GABRB3: variants seen among roughly 807,000 people sequenced by gnomAD.
The protein encoded by GABRB3 is gamma-aminobutyric acid type A receptor subunit beta3.
GABRB3 carries 14 observed loss-of-function variants against 52.1 expected under a neutral mutation model. The ratio of observed to expected loss-of-function variants is 0.27; its 90% CI spans 0.18 to 0.42. GABRB3 has a LOEUF of 0.42. Among genes scored for constraint, GABRB3 ranks in the 10% least tolerant of loss-of-function variants. The pLI is 1.00. For missense variants in GABRB3, 307 were observed against 609.1 expected (o/e 0.50, Z 5.22); for synonymous variants, 260 against 232.3 (o/e 1.12, Z -1.08).
intron 7 of GABRB3, among the ~76,000 whole-genome samples, chr15:26,566,453 T>C (rs1890177062): frequency 6.6e-6 from 1 of 152,110 alleles, no homozygotes; most frequent in Admixed American, 6.5e-5. Context: ...GGGCTGGGTG[T>C]GGTGGCTCAC....
Position 26,554,144 on chromosome 15 carries a change from G to GTATATATATATATATAAAGTA in GABRB3, c.1081-6011_1081-6010insTACTTTATATATATATATATA, listed in dbSNP as rs547570760. 3.7e-3 allele frequency among the ~76,000 whole-genome samples: 118 copies of GTATATATATATATATAAAGTA among 32,286 alleles called. 3 individuals carry two copies. Among genetic ancestry groups the GTATATATATATATATAAAGTA allele is most frequent in the Middle Eastern group, 0.029 (1 of 34 alleles). The allele number at this position is 32,286 out of a possible 152,430, so 21.2% of individuals were successfully genotyped here. A position where few individuals can be genotyped will look rare whatever the true frequency, so the allele number is the denominator to read the frequency against. On this transcript the variant is annotated intron_variant, in intron 8 of 8. Coordinates refer to ENST00000311550, the MANE Select transcript of GABRB3 (RefSeq NM_000814.6). ...GTGTGTGTGTATATATATATATAAA[G>GTATATATATATATATAAAGTA]TATATATATATATAAAGTATATATA...
At position 26,606,789 on chromosome 15, in the gene GABRB3, T is replaced by TATCGATAGATCTATCG. The variant is rs145598967; in HGVS notation, c.461+14524_461+14525insCGATAGATCTATCGAT. Among the ~76,000 whole-genome samples, 428 of 122,860 alleles carry TATCGATAGATCTATCG rather than the reference T, an allele frequency of 3.5e-3. 6 individuals carry two copies. Among genetic ancestry groups the TATCGATAGATCTATCG allele is most frequent in the African/African-American group, 0.013 (411 of 30,936 alleles). The allele number at this position is 122,860 out of a possible 152,430, so 80.6% of individuals were successfully genotyped here. On this transcript the variant is annotated intron_variant, in intron 4 of 8. Transcript: ENST00000311550. The stretch of plus-strand genomic sequence containing the variant: ...CTATCTATAGATAGATAGATATATC[T>TATCGATAGATCTATCG]ATAGATAGATATATCTATAGATAGA...
chr15:26,718,229 A>G (rs1425415123), intron 3 of GABRB3, among the ~76,000 whole-genome samples: 2 of 151,788 alleles, frequency 1.3e-5, no homozygotes, highest in Non-Finnish European at 2.9e-5. Context: ...TTTTTTTGGG[A>G]CGGAGTTTTG....
chr15:26,685,608 G>C (rs1888375903), intron 3 of GABRB3, among the ~76,000 whole-genome samples: 2 of 152,194 alleles, frequency 1.3e-5, no homozygotes, highest in South Asian at 4.1e-4. Context: ...AAGTAATGCA[G>C]GATGAAAGAA....
At position 26,730,976 on chromosome 15, in the gene GABRB3, T is replaced by C. The variant is rs569803060; in HGVS notation, c.240+41426A>G. Reference sequence around the variant, plus strand: ...ATGAATATAATTTGGGTTCAACATTTAACCTTACAGGTGTGATCTTTTCAG... The same window carrying C: ...ATGAATATAATTTGGGTTCAACATTCAACCTTACAGGTGTGATCTTTTCAG... On this transcript the variant is annotated intron_variant, in intron 3 of 8. Transcript: ENST00000311550. 1.2e-4 allele frequency among the ~76,000 whole-genome samples: 19 copies of C among 152,318 alleles called. No homozygotes were observed. In the South Asian group the frequency reaches 2.1e-3, roughly 17 times the overall value.
intron 3 of GABRB3, among the ~76,000 whole-genome samples, chr15:26,736,076 G>A (rs1890058267): frequency 6.6e-6 from 1 of 152,138 alleles, no homozygotes; most frequent in African/African-American, 2.4e-5. Context: ...AGGGACTGAG[G>A]GGAGAGGTGT....
At chr15:26,611,069 T>C (rs1160647879) in intron 4 of GABRB3, among the ~76,000 whole-genome samples, 1 of 152,198 alleles carries the variant, frequency 6.6e-6, no homozygotes. Flanking sequence ...ACCTTAAGGT[T>C]CTTACATAGG....
rs140570904 is a variant in GABRB3 at position 26,595,187 on chromosome 15, G to A, written c.462-11773C>T. ...TCTTTAGGTTTGTCTTCACCCTGTA[G>A]CCTTAATGAGCACTGCCTGCCCCTT... On this transcript the variant is annotated intron_variant, in intron 4 of 8. Coordinates refer to ENST00000311550, the MANE Select transcript of GABRB3 (RefSeq NM_000814.6). Among the ~76,000 whole-genome samples the A allele has an allele frequency of 2.7e-3, 404 of 152,278 alleles. 1 individual carries two copies. Among genetic ancestry groups the A allele is most frequent in the African/African-American group, 9.3e-3 (385 of 41,546 alleles).
At chr15:26,599,992 A>T (rs1891529275) in intron 4 of GABRB3, among the ~76,000 whole-genome samples, 1 of 152,144 alleles carries the variant, frequency 6.6e-6, no homozygotes, top group South Asian at 2.1e-4. Context: ...AATTTAATAC[A>T]ATATGAAAAA....
At chr15:26,666,835 T>C (rs1421578596) in intron 3 of GABRB3, among the ~76,000 whole-genome samples, 1 of 152,124 alleles carries the variant, frequency 6.6e-6, no homozygotes, top group Non-Finnish European at 1.5e-5. Context: ...AGAAGAAACA[T>C]GAAGCCAGTC....
chr15:26,726,488 G>C (rs1047670974), intron 3 of GABRB3, among the ~76,000 whole-genome samples: 1 of 152,200 alleles, frequency 6.6e-6, no homozygotes, highest in African/African-American at 2.4e-5. Flanking sequence ...ATTGCATTTA[G>C]CAGTCTTCTA....
chr15:26,624,481 A>G, intron 3 of GABRB3: 1 of 985,442 alleles, frequency 1.0e-6, no homozygotes, highest in Non-Finnish European at 1.2e-6. Context: ...CTTGTCAGTC[A>G]GCCCTAGGAG....
At chr15:26,706,438 GT>G (rs11426648) in intron 3 of GABRB3, among the ~76,000 whole-genome samples, 12 of 149,968 alleles carry the variant, frequency 8.0e-5, no homozygotes, top group African/African-American at 2.9e-4. Context: ...AAATTGAGGG[GT>G]TTTTTTTTTC....
chr15:26,600,003 T>C (rs914772590), intron 4 of GABRB3, among the ~76,000 whole-genome samples: 3 of 151,722 alleles, frequency 2.0e-5, no homozygotes, highest in African/African-American at 7.3e-5. Context: ...ATATGAAAAA[T>C]AATACTCAAA....
chr15:26,642,665 GCA>G (rs1893234841), intron 3 of GABRB3: 4 of 414,108 alleles, frequency 9.7e-6, no homozygotes, highest in Admixed American at 2.6e-5. Context: ...GTACCCCCCC[GCA>G]CACACACACC....
chr15:26,615,518 A>G (rs1199829881), intron 4 of GABRB3: 11 of 862,552 alleles, frequency 1.3e-5, no homozygotes, highest in Admixed American at 6.0e-5. Flanking sequence ...ACAACCTTTT[A>G]TCACTACAAG....
intron 3 of GABRB3, among the ~76,000 whole-genome samples, chr15:26,717,554 T>C (rs556760666): frequency 1.3e-5 from 2 of 152,316 alleles, no homozygotes; most frequent in East Asian, 3.9e-4. Flanking sequence ...CTTGTCCAAA[T>C]CATGCCTTCC....
rs115207607 is a variant in GABRB3, at chr15:26,667,891, G to C, written c.241-46357C>G. On this transcript the variant is annotated intron_variant, in intron 3 of 8. Coordinates refer to ENST00000311550, the MANE Select transcript of GABRB3 (RefSeq NM_000814.6). ...AATCCCGTATGAAGTAGGAAGTCCAGATGCAAGCTCAGAGCAGCAGGCCAA... is the reference window on the plus strand; with the variant it reads ...AATCCCGTATGAAGTAGGAAGTCCACATGCAAGCTCAGAGCAGCAGGCCAA... 3.4e-3 allele frequency among the ~76,000 whole-genome samples: 525 copies of C among 152,332 alleles called. 4 individuals carry two copies. The highest frequency in any genetic ancestry group is 0.012 in the African/African-American group (505 of 41,572).
In GABRB3 at chr15:26,727,998, G is replaced by GCTGAACCATCTCAATAACAAT. The variant is rs1889817257; in HGVS notation, c.240+44403_240+44404insATTGTTATTGAGATGGTTCAG. 4.6e-5 allele frequency among the ~76,000 whole-genome samples: 7 copies of GCTGAACCATCTCAATAACAAT among 152,234 alleles called. No individual in the cohort carries two copies. The South Asian group carries it at 1.5e-3, about 32-fold the overall frequency. On this transcript the variant is annotated intron_variant, in intron 3 of 8. Coordinates refer to ENST00000311550, the MANE Select transcript of GABRB3 (RefSeq NM_000814.6). ...CTAACTAGAATACAATACTTGAGAG[G>GCTGAACCATCTCAATAACAAT]AGCTGTTATTCCCTTCTAGTCAATG...
Sources: gnomAD v4.1 joint callset for allele counts (sites outside exome capture counted in the v4.1 genomes callset) on GRCh38, gnomAD v4.1.1 for gene constraint, MANE v1.5 for transcripts, NCBI Gene and HGNC (gene_info 2026-07-23, HGNC 2026-07-21) for gene names.